The following DAAM2 variants were observed in gnomAD, a reference collection of about 807,000 sequenced individuals.
DAAM2 encodes disheveled-associated activator of morphogenesis 2.
Under a neutral mutation model 120.7 loss-of-function variants are expected in DAAM2, and 39 were observed. The observed-to-expected ratio is 0.32, with a 90% CI of 0.25 to 0.42. The LOEUF (loss-of-function observed/expected upper bound fraction) is 0.42. DAAM2 is among the 10% of genes least tolerant of loss of function. The pLI, the probability that DAAM2 is intolerant of heterozygous loss-of-function variation, is 1.00. For missense variants in DAAM2, 1,283 were observed against 1,401.7 expected, an observed-to-expected ratio of 0.92 and a Z score of 1.35; for synonymous variants, 488 against 524.9, an observed-to-expected ratio of 0.93 and a Z score of 0.96.
At chr6:39,833,783 A>T (rs1392406086) in intron 1 of DAAM2, among the ~76,000 whole-genome samples, 1 of 152,086 alleles carries the variant, frequency 6.6e-6, no homozygotes, top group Non-Finnish European at 1.5e-5. Flanking sequence ...AAAGAAAAGG[A>T]AAAAAAAGGA....
chr6:39,891,489 CTGGCAGGTG>C, intron 18 of DAAM2, 42 bp downstream of exon 18: 4 of 1,548,786 alleles, frequency 2.6e-6, no homozygotes, highest in South Asian at 1.2e-5. Context: ...AGGTGGGGTT[CTGGCAGGTG>C]GGGCAGGTGG....
At position 39,884,384 on chromosome 6, in the gene DAAM2, C is replaced by G. The variant is rs1765275852; in HGVS notation, c.1953+315C>G. ...TTGAAATGGTGTTTTGTCCATTTCT[C>G]TCTTCCATCCTGGAGCATCGGAGGT... On this transcript the variant is annotated intron_variant, in intron 15 of 24. Transcript: ENST00000274867. 1.2e-5 allele frequency: 3 copies of G among 242,442 alleles called. No individual in the cohort carries two copies. The Admixed American group carries it at 1.5e-4, about 12-fold the overall frequency. The allele number at this position is 242,442 out of a possible 1,614,324, so 15.0% of individuals were successfully genotyped here.
chr6:39,893,524 G>GA (rs890193731), intron 19 of DAAM2, among the ~76,000 whole-genome samples: 329 of 139,284 alleles, frequency 2.4e-3, no homozygotes, highest in African/African-American at 6.4e-3. Context: ...TCTCAAAAAA[G>GA]AAAAAAAAAA....
At chr6:39,807,297 C>T (rs906972575) in intron 1 of DAAM2, among the ~76,000 whole-genome samples, 2 of 151,928 alleles carry the variant, frequency 1.3e-5, no homozygotes, top group Non-Finnish European at 2.9e-5. Context: ...CAGAAGGATG[C>T]CATTGCTAGT....
At position 39,901,950 on chromosome 6, in the gene DAAM2, A is replaced by G. The variant is rs745497621; in HGVS notation, c.3120A>G (p.Leu1040=). The G allele has an allele frequency of 1.2e-6, 2 of 1,612,666 alleles. No individual in the cohort carries two copies. Among genetic ancestry groups the G allele is most frequent in the Non-Finnish European group, 1.7e-6 (2 of 1,178,918 alleles). The change falls in exon 25 of 25, where the codon TTA becomes TTG. Residue 1040 remains leucine, a synonymous_variant. Coordinates refer to ENST00000274867, the MANE Select transcript of DAAM2 (RefSeq NM_001201427.2). This position sits in a 1 kb window ranked among gnomAD's most constrained non-coding sequence, Gnocchi z 4.5. ...CTGGGGAGGTCTTCGACAAGGACTT[A>G]TGCAAGCTCAAGCGCAGCCGCAAGC... The part of the protein sequence containing the change: ...LRSGEVFDKD[L]CKLKRSRKRS...
rs1386889297 is a variant in DAAM2, at chr6:39,891,446, A to T, written c.2251A>T (p.Arg751Trp). ...TGACCGCTTCCTCTATGAAATGAGC[A>T]GGTTGGGCCATGGGCATGGTGGGGA... Reference protein sequence around the residue: ...RADRFLYEMSRIDHYQQRLQA... With the variant: ...RADRFLYEMSWIDHYQQRLQA... Residue 751 changes from arginine (R) to tryptophan (W), a missense_variant and splice_region_variant, in exon 18 of 25, where the codon AGG (arginine) becomes TGG (tryptophan). By Grantham distance (101) the Arg-to-Trp change is moderately radical (BLOSUM62 -3). This residue lies in a region of DAAM2 where 748 missense variants were observed against 768.6 expected (regional missense o/e 0.97). Transcript: ENST00000274867. 6.2e-7 allele frequency: 1 copy of T among 1,603,804 alleles called. No homozygotes were observed. The highest frequency in any genetic ancestry group is 8.5e-7 in the Non-Finnish European group (1 of 1,174,570).
Position 39,901,721 on chromosome 6 carries a change from C to A in DAAM2, c.2983-92C>A. ...AACAGATACAGGCAGGCAGCATGAC[C>A]ATGGCCTAGGAGTTAGCCCAGGGTT... On this transcript the variant is annotated intron_variant, in intron 24 of 24. Transcript: ENST00000274867. The surrounding 1 kb of genome is among the most constrained non-coding windows in gnomAD (Gnocchi z 4.5). 1.6e-6 allele frequency: 2 copies of A among 1,240,604 alleles called. No homozygotes were observed. Among genetic ancestry groups the A allele is most frequent in the Non-Finnish European group, 1.1e-6 (1 of 918,670 alleles). 76.8% of individuals were successfully genotyped at this position (1,240,604 alleles called of 1,614,324 possible).
In DAAM2 at chr6:39,904,225, G is replaced by A. The variant is rs571628169; in HGVS notation, c.*2188G>A. The A allele has an allele frequency of 5.1e-4, 232 of 456,760 alleles. 2 individuals are homozygous for A. Among genetic ancestry groups the A allele is most frequent in the South Asian group, 3.5e-3 (228 of 64,572 alleles). 28.3% of individuals were successfully genotyped at this position (456,760 alleles called of 1,614,324 possible). On this transcript the variant is annotated 3_prime_UTR_variant, in exon 25 of 25. Transcript: ENST00000274867. ...GAATTTGGTTCAACTGTTGACAGAGGACACAAATACGTTGTTCCAGAGCTC... is the reference window on the plus strand; with the variant it reads ...GAATTTGGTTCAACTGTTGACAGAGAACACAAATACGTTGTTCCAGAGCTC...
intron 1 of DAAM2, chr6:39,820,909 G>A (rs1425663325): frequency 6.6e-6 from 1 of 152,194 alleles, no homozygotes. Flanking sequence ...TATTTCTTAT[G>A]GGTTATTGCA....
Position 39,902,424 on chromosome 6 carries a change from A to T in DAAM2, c.*387A>T, listed in dbSNP as rs1766547198. 1 of 166,408 alleles carries T rather than the reference A, an allele frequency of 6.0e-6. No homozygotes were observed. The highest frequency in any genetic ancestry group is 1.3e-5 in the Non-Finnish European group (1 of 78,048). The allele number at this position is 166,408 out of a possible 1,614,324, so 10.3% of individuals were successfully genotyped here. On this transcript the variant is annotated 3_prime_UTR_variant, in exon 25 of 25. Coordinates refer to ENST00000274867, the MANE Select transcript of DAAM2 (RefSeq NM_001201427.2). ...GCCTTGTCCAGAGTTCCTGTGTAGC[A>T]CGGGGAGCAATGATGGAGGGAGCCC...
Position 39,837,245 on chromosome 6 carries a change from G to C in DAAM2, c.-56-19002G>C, listed in dbSNP as rs76257507. Among the ~76,000 whole-genome samples, 737 of 152,266 alleles carry C rather than the reference G, an allele frequency of 4.8e-3. 8 individuals are homozygous for C. Among genetic ancestry groups the C allele is most frequent in the African/African-American group, 0.016 (664 of 41,548 alleles). ...TCTTGGATCTGCCACCTGCAGGGTG[G>C]GTGCATCTTGGCAGTGGGGTCAGGA... On this transcript the variant is annotated intron_variant, in intron 1 of 24. Coordinates refer to ENST00000274867, the MANE Select transcript of DAAM2 (RefSeq NM_001201427.2).
intron 13 of DAAM2, 111 bp from the exon 14 acceptor site, chr6:39,879,067 G>A (rs1247034698): frequency 1.4e-6 from 1 of 705,950 alleles, no homozygotes; most frequent in African/African-American, 1.8e-5. Flanking sequence ...ATAAGGGTAG[G>A]ATTTGGGGCC....
intron 1 of DAAM2, among the ~76,000 whole-genome samples, chr6:39,808,194 G>T (rs1470428794): frequency 1.3e-5 from 2 of 151,584 alleles, no homozygotes; most frequent in Non-Finnish European, 2.9e-5. Flanking sequence ...CAAAAACCAT[G>T]ATTACTTTTG....
chr6:39,895,435 C>T (rs7771035), intron 19 of DAAM2, among the ~76,000 whole-genome samples: 13,610 of 151,870 alleles, frequency 0.09, 1,243 homozygotes, highest in East Asian at 0.25. Context: ...GGGGTTTCAC[C>T]GTGTCACCCA....
At chr6:39,862,300 G>A (rs1390668786) in intron 3 of DAAM2, 2 of 152,118 alleles carry the variant, frequency 1.3e-5, no homozygotes, top group Admixed American at 6.6e-5. Flanking sequence ...TGCTTATTAA[G>A]CACCTGCAGA....
At chr6:39,817,089 C>T (rs187987908) in intron 1 of DAAM2, among the ~76,000 whole-genome samples, 7 of 152,252 alleles carry the variant, frequency 4.6e-5, no homozygotes, top group Admixed American at 2.6e-4. Flanking sequence ...GCAGTGAGAT[C>T]GCACCTTTGA....
chr6:39,877,355 T>C (rs1165607581), intron 11 of DAAM2, among the ~76,000 whole-genome samples: 3 of 152,146 alleles, frequency 2.0e-5, no homozygotes, highest in Non-Finnish European at 4.4e-5. Context: ...CAGTCTACCC[T>C]ACCTCCCTCC....
intron 2 of DAAM2, among the ~76,000 whole-genome samples, chr6:39,858,994 G>A (rs1764112472): frequency 6.6e-6 from 1 of 152,206 alleles, no homozygotes; most frequent in Non-Finnish European, 1.5e-5. Context: ...CGAGCAGTCA[G>A]CAGTCAGTCA....
Position 39,878,212 on chromosome 6 carries a change from C to A in DAAM2, c.1311C>A (p.Asn437Lys). ...CTCTATGCCCTGCCAGGCTCATCAA[C>A]GAGAATGAAGTGAAACAGTGGCGAG... is the stretch of plus-strand genomic sequence containing the variant. ...NVKNIVNMLI[N>K]ENEVKQWRDQ... The change falls in exon 12 of 25, where the codon AAC becomes AAA. Residue 437 changes from asparagine (N) to lysine (K), a missense_variant. By Grantham distance (94) the Asn-to-Lys change is moderately conservative (BLOSUM62 0). Around this residue, in one of 3 missense-constraint regions of DAAM2, gnomAD observed 338 missense variants for 443.9 expected, o/e 0.76. Coordinates refer to ENST00000274867, the MANE Select transcript of DAAM2 (RefSeq NM_001201427.2). The surrounding 1 kb of genome is among the most constrained non-coding windows in gnomAD (Gnocchi z 5.0). The A allele has an allele frequency of 6.2e-7, 1 of 1,613,958 alleles. No homozygotes were observed.
Sources: gnomAD v4.1 joint callset for allele counts (sites outside exome capture counted in the v4.1 genomes callset) on GRCh38, gnomAD v4.1.1 for gene constraint, gnomAD v4.1.1 regional missense constraint, Gnocchi (gnomAD v3.1) non-coding constraint, MANE v1.5 for transcripts, NCBI Gene and HGNC (gene_info 2026-07-23, HGNC 2026-07-21) for gene names.